LMO7: variants seen among roughly 807,000 people sequenced by gnomAD.
LMO7 encodes the protein LIM domain only protein 7.
In LMO7, 120 loss-of-function variants were observed where a neutral mutation model predicts 206.5. The ratio of observed to expected loss-of-function variants is 0.58; its 90% CI spans 0.50 to 0.68. LMO7 has a LOEUF of 0.68. LMO7 is among the 30% of genes least tolerant of loss of function. The probability of loss-of-function intolerance (pLI) is 0.00; values close to 1 mark genes in which losing one functional copy is unlikely to be tolerated. For missense variants in LMO7, 1,959 were observed against 1,957.9 expected, an observed-to-expected ratio of 1.00 and a Z score of -0.01; for synonymous variants, 706 against 681.5, an observed-to-expected ratio of 1.04 and a Z score of -0.56.
intron 1 of LMO7, among the ~76,000 whole-genome samples, chr13:75,685,216 A>T (rs991284479): frequency 6.6e-6 from 1 of 152,202 alleles, no homozygotes; most frequent in Non-Finnish European, 1.5e-5. Context: ...TTCATTTTGC[A>T]TAGCAGATAC....
chr13:75,677,799 C>T (rs1264764909), intron 1 of LMO7, among the ~76,000 whole-genome samples: 1 of 129,650 alleles, frequency 7.7e-6, no homozygotes, highest in Non-Finnish European at 1.6e-5. Flanking sequence ...CCCCTCCCCC[C>T]ACCCCACAAC....
Position 75,853,394 on chromosome 13 carries a change from G to T in LMO7, c.4661+6G>T. ...GGCTCTCAGCTGCGTAACAGGTGAG[G>T]CCCTTGCTGTTTCTCTTTCTTCTCT... On this transcript the variant is annotated splice_donor_region_variant and intron_variant, in intron 28 of 30. Coordinates refer to ENST00000377534, the MANE Select transcript of LMO7 (RefSeq NM_001306080.2). The T allele has an allele frequency of 6.4e-7, 1 of 1,557,522 alleles. No homozygotes were observed. The highest frequency in any genetic ancestry group is 8.7e-7 in the Non-Finnish European group (1 of 1,151,016).
At chr13:75,654,425 A>G (rs887149386) in intron 1 of LMO7, among the ~76,000 whole-genome samples, 7 of 152,216 alleles carry the variant, frequency 4.6e-5, no homozygotes, top group African/African-American at 1.7e-4. Flanking sequence ...TTCAGCTGAC[A>G]CGTCCCACTG....
intron 1 of LMO7, among the ~76,000 whole-genome samples, chr13:75,691,125 T>A (rs1447695488): frequency 6.6e-6 from 1 of 152,218 alleles, no homozygotes; most frequent in East Asian, 1.9e-4. Context: ...TGGAGTGTAC[T>A]CTTTAAACAA....
intron 15 of LMO7, among the ~76,000 whole-genome samples, chr13:75,825,159 TATC>T: frequency 6.6e-6 from 1 of 152,290 alleles, no homozygotes; most frequent in South Asian, 2.1e-4. Flanking sequence ...AGTTGTAAAT[TATC>T]ATTACATTTT....
intron 1 of LMO7, among the ~76,000 whole-genome samples, chr13:75,706,987 TTGTG>T (rs1462462712): frequency 6.6e-6 from 1 of 151,892 alleles, no homozygotes; most frequent in Non-Finnish European, 1.5e-5. Flanking sequence ...AAATTTAAGA[TTGTG>T]TGGATTGCAT....
chr13:75,768,209 A>G (rs186485096), intron 4 of LMO7, among the ~76,000 whole-genome samples: 117 of 152,238 alleles, frequency 7.7e-4, no homozygotes, highest in African/African-American at 2.7e-3. Flanking sequence ...ACACAGAGGA[A>G]AAAATCTGGC....
In LMO7 at chr13:75,823,888, G is replaced by A. The variant is rs186088896; in HGVS notation, c.2949+15G>A. The A allele has an allele frequency of 6.2e-6, 10 of 1,604,746 alleles. No homozygotes were observed. Among genetic ancestry groups the A allele is most frequent in the Admixed American group, 5.0e-5 (3 of 59,788 alleles). Reference sequence around the variant, plus strand: ...CAAGATCCCAGGTGAGTTTGGAAAAGTTCTTTATCATCTGTGGCTCAGACA... The same window carrying A: ...CAAGATCCCAGGTGAGTTTGGAAAAATTCTTTATCATCTGTGGCTCAGACA... On this transcript the variant is annotated intron_variant, in intron 15 of 30. Transcript: ENST00000377534.
At chr13:75,722,167 A>G (rs1484989914) in intron 2 of LMO7, among the ~76,000 whole-genome samples, 1 of 152,242 alleles carries the variant, frequency 6.6e-6, no homozygotes, top group African/African-American at 2.4e-5. Context: ...CATGACCAAG[A>G]ACCCAAAAGC....
In LMO7 at chr13:75,840,422, G is replaced by A. The variant is rs1269222296; in HGVS notation, c.3509G>A (p.Arg1170His). The change falls in exon 22 of 31, where the codon CGC becomes CAC. Residue 1170 changes from arginine to histidine, a missense_variant. By Grantham distance (29) the Arg-to-His change is conservative. Transcript: ENST00000377534. The stretch of plus-strand genomic sequence containing the variant: ...GTTCCAACCATCAGTGCCCCGAGTC[G>A]CTGGGTGTGGGATCAAGAGGAGGAG... ...LPVPTISAPS[R>H]WVWDQEEERK... The A allele has an allele frequency of 1.1e-5, 17 of 1,613,984 alleles. No homozygotes were observed. The highest frequency in any genetic ancestry group is 3.3e-5 in the South Asian group (3 of 91,062).
chr13:75,665,092 C>T (rs2038964710), intron 1 of LMO7, among the ~76,000 whole-genome samples: 1 of 152,052 alleles, frequency 6.6e-6, no homozygotes, highest in Non-Finnish European at 1.5e-5. Context: ...GTTTTTAGTA[C>T]TGTTTATTTT....
chr13:75,621,692 C>T lies in LMO7; in HGVS notation c.-2C>T, dbSNP rs759708190. 1.2e-4 allele frequency: 186 copies of T among 1,571,566 alleles called. 1 individual carries two copies. Among genetic ancestry groups the T allele is most frequent in the Non-Finnish European group, 1.4e-4 (166 of 1,155,098 alleles). ...TATTTTAATTTTTTTATTACAACTG[C>T]TATGAAGAAAATTAGGATATGCCAT... On this transcript the variant is annotated 5_prime_UTR_variant, in exon 1 of 30. Transcript: ENST00000341547.
chr13:75,649,484 G>A (rs1202657111), intron 1 of LMO7, among the ~76,000 whole-genome samples: 1 of 152,144 alleles, frequency 6.6e-6, no homozygotes, highest in South Asian at 2.1e-4. Flanking sequence ...AAGAAAATGG[G>A]AGTAAGACCA....
At chr13:75,798,496 G>A (rs1223205264) in intron 6 of LMO7, among the ~76,000 whole-genome samples, 1 of 152,198 alleles carries the variant, frequency 6.6e-6, no homozygotes, top group African/African-American at 2.4e-5. Flanking sequence ...CTTTATCAAA[G>A]GCTGTTTCCT....
At chr13:75,735,081 G>C (rs2045666122) in intron 3 of LMO7, among the ~76,000 whole-genome samples, 1 of 150,926 alleles carries the variant, frequency 6.6e-6, no homozygotes, top group Admixed American at 6.6e-5. Flanking sequence ...CTGTGCGACA[G>C]AGCGAGACTC....
In LMO7 at chr13:75,776,532, A is replaced by C. The variant is rs180913236; in HGVS notation, c.317+15494A>C. Among the ~76,000 whole-genome samples the C allele has an allele frequency of 3.0e-4, 46 of 152,224 alleles. 1 individual carries two copies. Among genetic ancestry groups the C allele is most frequent in the Admixed American group, 1.9e-3 (29 of 15,294 alleles). On this transcript the variant is annotated intron_variant, in intron 4 of 30. Transcript: ENST00000377534. ...CTTTTATGAATGACTTTGATAACAT[A>C]CCCATTTTTTGCTACCAATAACTTC...
chr13:75,652,397 G>T (rs775220332), intron 1 of LMO7, among the ~76,000 whole-genome samples: 1 of 152,164 alleles, frequency 6.6e-6, no homozygotes, highest in Non-Finnish European at 1.5e-5. Flanking sequence ...CCCTTTGCAG[G>T]TCTTGAAGTT....
intron 1 of LMO7, among the ~76,000 whole-genome samples, chr13:75,698,884 T>C (rs1293038480): frequency 6.6e-6 from 1 of 152,174 alleles, no homozygotes; most frequent in Non-Finnish European, 1.5e-5. Context: ...TTTTAATATA[T>C]TCACAGAATT....
At chr13:75,818,583 G>A (rs1483620833) in intron 12 of LMO7, among the ~76,000 whole-genome samples, 2 of 152,154 alleles carry the variant, frequency 1.3e-5, no homozygotes, top group Non-Finnish European at 2.9e-5. Context: ...ATTGTCCCTG[G>A]GGTCACCCAG....
Sources: allele counts gnomAD v4.1 joint callset (sites outside exome capture counted in the v4.1 genomes callset), GRCh38; gene constraint gnomAD v4.1.1; transcripts MANE v1.5; gene names NCBI Gene and HGNC (gene_info 2026-07-23, HGNC 2026-07-21).